Variants in TAB2 observed in about 807,000 individuals in gnomAD.
TAB2 encodes TGF-beta-activated kinase 1 and MAP3K7-binding protein 2.
Under a neutral mutation model 65.0 loss-of-function variants are expected in TAB2, and 3 were observed. That is an observed-to-expected ratio of 0.05 (90% CI 0.02 to 0.12). The LOEUF is 0.12. TAB2 is among the 10% of genes least tolerant of loss of function. The pLI, the probability that TAB2 is intolerant of heterozygous loss-of-function variation, is 1.00. For missense variants in TAB2, 623 were observed against 840.3 expected (o/e 0.74, Z 3.20); for synonymous variants, 298 against 285.1 (o/e 1.05, Z -0.46).
At chr6:149,280,999 A>T (rs1352047381) in intron 1 of TAB2, among the ~76,000 whole-genome samples, 1 of 152,118 alleles carries the variant, frequency 6.6e-6, no homozygotes, top group East Asian at 1.9e-4. Flanking sequence ...AAGAAATGCT[A>T]AAGTAAGTCC....
intron 1 of TAB2, among the ~76,000 whole-genome samples, chr6:149,263,644 C>A (rs1371392479): frequency 6.6e-6 from 1 of 152,216 alleles, no homozygotes; most frequent in Non-Finnish European, 1.5e-5. Flanking sequence ...ACGGCATGAA[C>A]AAAGTTTCCC....
intron 1 of TAB2, among the ~76,000 whole-genome samples, chr6:149,323,204 C>A (rs1383397123): frequency 2.0e-5 from 3 of 152,098 alleles, no homozygotes; most frequent in Non-Finnish European, 4.4e-5. Flanking sequence ...AATAAGATAT[C>A]ATTATGCAAA....
At chr6:149,252,167 G>A (rs1777875184) in intron 1 of TAB2, among the ~76,000 whole-genome samples, 1 of 152,164 alleles carries the variant, frequency 6.6e-6, no homozygotes, top group Non-Finnish European at 1.5e-5. Context: ...AGCACTTTGG[G>A]AGGCCGAGGC....
intron 1 of TAB2, among the ~76,000 whole-genome samples, chr6:149,227,512 ACT>A (rs1172530651): frequency 1.3e-5 from 2 of 152,132 alleles, no homozygotes; most frequent in Non-Finnish European, 2.9e-5. Flanking sequence ...ATGCCAGGCC[ACT>A]GGCTAAGGGG....
intron 1 of TAB2, among the ~76,000 whole-genome samples, chr6:149,334,890 C>T (rs1779888233): frequency 6.6e-6 from 1 of 152,072 alleles, no homozygotes. Context: ...AGAAGCATGT[C>T]ATTTATAATT....
intron 3 of TAB2, among the ~76,000 whole-genome samples, chr6:149,395,926 A>G (rs986145979): frequency 1.3e-5 from 2 of 151,730 alleles, no homozygotes; most frequent in African/African-American, 2.4e-5. Flanking sequence ...TTTCCCTTCA[A>G]TTTTGAAACA....
intron 6 of TAB2, among the ~76,000 whole-genome samples, chr6:149,404,210 A>T (rs1477248343): frequency 6.6e-6 from 1 of 152,198 alleles, no homozygotes; most frequent in African/African-American, 2.4e-5. Flanking sequence ...TCAAGAAAAC[A>T]ATCCCATTCA....
intron 2 of TAB2, among the ~76,000 whole-genome samples, chr6:149,371,829 A>C (rs1781236491): frequency 6.6e-6 from 1 of 152,216 alleles, no homozygotes; most frequent in South Asian, 2.1e-4. Context: ...AAATGTGAAA[A>C]AAAAATGAGA....
chr6:149,248,419 AAAAG>A lies in TAB2; in HGVS notation c.-121+29652_-121+29655del, dbSNP rs745950938. On this transcript the variant is annotated intron_variant, in intron 1 of 1. Transcript: ENST00000606202. ...AAAGAGAGAGACAGAGAGGGAAAGA[AAAAG>A]AAAGAAAGGAAGGAAGGAAGGAAGG... 2.6e-3 allele frequency among the ~76,000 whole-genome samples: 274 copies of A among 105,398 alleles called. 2 individuals are homozygous for A. The highest frequency in any genetic ancestry group is 0.013 in the Middle Eastern group (3 of 234). 69.1% of individuals were successfully genotyped at this position (105,398 alleles called of 152,430 possible). A position where few individuals can be genotyped will look rare whatever the true frequency, so the allele number is the denominator to read the frequency against.
chr6:149,254,123 G>A (rs879721331), intron 1 of TAB2, among the ~76,000 whole-genome samples: 19,401 of 137,444 alleles, frequency 0.14, 1,817 homozygotes, highest in East Asian at 0.28. Context: ...GGACAGGGAA[G>A]GGAAGGGAAA....
intron 1 of TAB2, among the ~76,000 whole-genome samples, chr6:149,332,802 G>A (rs185693453): frequency 1.3e-5 from 2 of 152,294 alleles, no homozygotes; most frequent in African/African-American, 4.8e-5. Context: ...AAGGGAGCAG[G>A]TCAGTCTTAG....
intron 6 of TAB2, among the ~76,000 whole-genome samples, chr6:149,403,280 A>G (rs1444042666): frequency 7.5e-5 from 3 of 40,186 alleles, no homozygotes; most frequent in Non-Finnish European, 1.3e-4. Context: ...ATATATATAT[A>G]TATACACACA....
intron 1 of TAB2, among the ~76,000 whole-genome samples, chr6:149,265,056 T>C (rs1057143430): frequency 1.3e-5 from 2 of 151,562 alleles, no homozygotes; most frequent in Non-Finnish European, 2.9e-5. Flanking sequence ...TAGAATTGTA[T>C]CATTTCTAAA....
intron 3 of TAB2, among the ~76,000 whole-genome samples, chr6:149,385,426 C>CT (rs1269992723): frequency 6.6e-6 from 1 of 152,192 alleles, no homozygotes; most frequent in Admixed American, 6.5e-5. Context: ...ACTCGGGAGT[C>CT]TGAGGCAGGA....
At chr6:149,408,217 G>C (rs965304103) in intron 6 of TAB2, among the ~76,000 whole-genome samples, 1 of 152,100 alleles carries the variant, frequency 6.6e-6, no homozygotes, top group African/African-American at 2.4e-5. Context: ...GGTATTGTCA[G>C]ACCCTTGATT....
intron 1 of TAB2, among the ~76,000 whole-genome samples, chr6:149,253,869 C>A (rs977807946): frequency 2.0e-5 from 3 of 149,824 alleles, no homozygotes; most frequent in Non-Finnish European, 2.9e-5. Flanking sequence ...TTGCAGTGAG[C>A]CAAGATTGCA....
At chr6:149,218,944 G>A (rs991102195) in intron 1 of TAB2, among the ~76,000 whole-genome samples, 1 of 152,310 alleles carries the variant, frequency 6.6e-6, no homozygotes. Context: ...GTAAAGGAAA[G>A]AGACTGCTTG....
intron 1 of TAB2, among the ~76,000 whole-genome samples, chr6:149,258,397 C>T (rs1252620752): frequency 6.7e-6 from 1 of 148,974 alleles, no homozygotes; most frequent in Non-Finnish European, 1.5e-5. Context: ...GAGTGAGCCC[C>T]CTCCAGTGCA....
upstream of TAB2, among the ~76,000 whole-genome samples, chr6:149,315,162 C>T (rs1485097870): frequency 6.6e-6 from 1 of 152,172 alleles, no homozygotes; most frequent in African/African-American, 2.4e-5. Flanking sequence ...AACAGTCCTC[C>T]TCTTAGTGAG....
Sources: gnomAD v4.1 joint callset for allele counts (sites outside exome capture counted in the v4.1 genomes callset) on GRCh38, gnomAD v4.1.1 for gene constraint, MANE v1.5 for transcripts, NCBI Gene and HGNC (gene_info 2026-07-23, HGNC 2026-07-21) for gene names.